APAF1: variants seen among roughly 807,000 people sequenced by gnomAD.
The protein encoded by APAF1 is apoptotic protease-activating factor 1.
A neutral mutation model predicts 152.4 loss-of-function variants in APAF1; 91 were observed. That is an observed-to-expected ratio of 0.60 (90% CI 0.50 to 0.71). The LOEUF is 0.71. Ranked by LOEUF, APAF1 falls within the 30% of genes least tolerant of loss-of-function variation. The probability of loss-of-function intolerance (pLI) is 0.00; values close to 1 mark genes in which losing one functional copy is unlikely to be tolerated. For synonymous variants in APAF1, 484 were observed against 494.1 expected, an observed-to-expected ratio of 0.98 and a Z score of 0.27; for missense variants, 1,283 against 1,472.0, an observed-to-expected ratio of 0.87 and a Z score of 2.10.
At position 98,648,578 on chromosome 12, in the gene APAF1, T is replaced by C. The variant is rs1034183365; in HGVS notation, c.139-48T>C. On this transcript the variant is annotated intron_variant, in intron 2 of 26. Coordinates refer to ENST00000551964, the MANE Select transcript of APAF1 (RefSeq NM_181861.2). ...TTGTACTGGTCTCCACTACTTTATG[T>C]TGCATACATATTCATTGTTGTATAC... The C allele has an allele frequency of 4.3e-6, 7 of 1,610,262 alleles. No individual in the cohort carries two copies. In the Admixed American group the frequency reaches 8.3e-5, roughly 19 times the overall value.
chr12:98,718,557 C>G (rs889090758), intron 22 of APAF1, among the ~76,000 whole-genome samples: 2 of 151,866 alleles, frequency 1.3e-5, no homozygotes, highest in Admixed American at 1.3e-4. Flanking sequence ...AATCAAGTTT[C>G]CTAAACTCCT....
chr12:98,675,474 A>G (rs2097685503), intron 12 of APAF1, among the ~76,000 whole-genome samples: 1 of 152,204 alleles, frequency 6.6e-6, no homozygotes, highest in African/African-American at 2.4e-5. Context: ...CCGTGGTTCT[A>G]TATCCATAGA....
At chr12:98,676,141 G>T (rs185840462) in intron 12 of APAF1, among the ~76,000 whole-genome samples, 1 of 152,140 alleles carries the variant, frequency 6.6e-6, no homozygotes, top group Admixed American at 6.6e-5. Context: ...GGGATGTAAC[G>T]TATATGAAAT....
intron 21 of APAF1, among the ~76,000 whole-genome samples, chr12:98,713,172 C>T (rs546775994): frequency 1.6e-4 from 25 of 152,266 alleles, no homozygotes; most frequent in South Asian, 6.2e-4. Context: ...AGTCATTGTT[C>T]GTTAAACTAA....
At chr12:98,714,626 C>T (rs368448895) in intron 21 of APAF1, among the ~76,000 whole-genome samples, 4 of 152,158 alleles carry the variant, frequency 2.6e-5, no homozygotes, top group South Asian at 2.1e-4. Context: ...TCGTTCATCC[C>T]GCTCATTTAG....
At position 98,732,736 on chromosome 12, in the gene APAF1, A is replaced by G; in HGVS notation, c.*170A>G. ...ATAATATTAATGTAGCTTTTTCCCA[A>G]ATGAACATACCTTTAATCTTGTTTT... On this transcript the variant is annotated 3_prime_UTR_variant, in exon 27 of 27. Coordinates refer to ENST00000551964, the MANE Select transcript of APAF1 (RefSeq NM_181861.2). The G allele has an allele frequency of 1.7e-6, 1 of 591,626 alleles. No individual in the cohort carries two copies. The highest frequency in any genetic ancestry group is 3.1e-5 in the Admixed American group (1 of 32,678). 36.6% of individuals were successfully genotyped at this position (591,626 alleles called of 1,614,324 possible).
At chr12:98,702,551 G>A (rs770164310) in intron 17 of APAF1, among the ~76,000 whole-genome samples, 66 of 152,036 alleles carry the variant, frequency 4.3e-4, no homozygotes, top group African/African-American at 5.6e-4. Context: ...GCGGCTGGGC[G>A]TGGTGGCTCA....
Position 98,648,656 on chromosome 12 carries a change from A to C in APAF1, c.169A>C (p.Ile57Leu). The C allele has an allele frequency of 2.5e-6, 4 of 1,613,852 alleles. No individual in the cohort carries two copies. The highest frequency in any genetic ancestry group is 3.4e-6 in the Non-Finnish European group (4 of 1,179,928). The change falls in exon 3 of 27, where the codon ATT becomes CTT. Residue 57 changes from isoleucine to leucine, a missense_variant. Physicochemically the swap from Ile to Leu is conservative, Grantham distance 5. Coordinates refer to ENST00000551964, the MANE Select transcript of APAF1 (RefSeq NM_181861.2). The stretch of plus-strand genomic sequence containing the variant: ...TCAACAGCAAAGAGCAGCTATGCTG[A>C]TTAAAATGATACTTAAAAAAGATAA... The part of the protein sequence containing the change: ...PTQQQRAAML[I>L]KMILKKDNDS...
Position 98,648,726 on chromosome 12 carries a change from A to G in APAF1, c.239A>G (p.Tyr80Cys). 6.2e-7 allele frequency: 1 copy of G among 1,613,992 alleles called. No individual in the cohort carries two copies. Among genetic ancestry groups the G allele is most frequent in the Non-Finnish European group, 8.5e-7 (1 of 1,179,892 alleles). ...TACAATGCTCTACTACATGAAGGATATAAAGATCTTGCTGCCCTTCTCCAT... is the reference window on the plus strand; with the variant it reads ...TACAATGCTCTACTACATGAAGGATGTAAAGATCTTGCTGCCCTTCTCCAT... ...SFYNALLHEGYKDLAALLHDG... is the reference protein window; with the variant it reads ...SFYNALLHEGCKDLAALLHDG... Residue 80 changes from tyrosine (Y) to cysteine (C), a missense_variant, in exon 3 of 27, where the codon TAT becomes TGT. Coordinates refer to ENST00000551964, the MANE Select transcript of APAF1 (RefSeq NM_181861.2).
intron 4 of APAF1, among the ~76,000 whole-genome samples, chr12:98,654,058 T>A (rs898343691): frequency 1.3e-5 from 2 of 152,110 alleles, no homozygotes; most frequent in Non-Finnish European, 2.9e-5. Flanking sequence ...CTGAGTGAAT[T>A]GTAAATACAG....
At chr12:98,662,147 C>CA (rs2097666209) in intron 5 of APAF1, among the ~76,000 whole-genome samples, 1 of 110,444 alleles carries the variant, frequency 9.1e-6, no homozygotes, top group Admixed American at 9.1e-5. Context: ...GTAATGGTCG[C>CA]TTTTTTTTTT....
At chr12:98,731,086 C>T (rs901266290) in intron 26 of APAF1, among the ~76,000 whole-genome samples, 5 of 152,166 alleles carry the variant, frequency 3.3e-5, no homozygotes, top group African/African-American at 1.2e-4. Context: ...GATAGGCTGC[C>T]TGAGTTCAAA....
At chr12:98,722,109 G>A (rs2097743839) in intron 22 of APAF1, among the ~76,000 whole-genome samples, 1 of 152,152 alleles carries the variant, frequency 6.6e-6, no homozygotes, top group African/African-American at 2.4e-5. Context: ...GGACTCATGA[G>A]CAGGTCCCTT....
At chr12:98,676,835 G>A (rs1278216229) in intron 12 of APAF1, among the ~76,000 whole-genome samples, 1 of 152,038 alleles carries the variant, frequency 6.6e-6, no homozygotes, top group African/African-American at 2.4e-5. Flanking sequence ...AGTAGAGACG[G>A]TGTTTCGCCA....
chr12:98,686,734 T>C lies in APAF1; in HGVS notation c.2179-14T>C, dbSNP rs1035757321. 8.1e-6 allele frequency: 13 copies of C among 1,611,846 alleles called. No homozygotes were observed. In the African/African-American group the frequency reaches 1.7e-4, roughly 22 times the overall value. On this transcript the variant is annotated splice_polypyrimidine_tract_variant and intron_variant, in intron 15 of 26. Coordinates refer to ENST00000551964, the MANE Select transcript of APAF1 (RefSeq NM_181861.2). Reference sequence around the variant, plus strand: ...TACTAGTTGTTTATTTATCTTTTTTTCTTTCACAAATAGCTTTGGGATTTG... The same window carrying C: ...TACTAGTTGTTTATTTATCTTTTTTCCTTTCACAAATAGCTTTGGGATTTG...
chr12:98,717,687 T>C lies in APAF1; in HGVS notation c.3084+2135T>C, dbSNP rs185669463. Among the ~76,000 whole-genome samples, 9 of 152,152 alleles carry C rather than the reference T, an allele frequency of 5.9e-5. No individual in the cohort carries two copies. The East Asian group carries it at 1.2e-3, about 20-fold the overall frequency. On this transcript the variant is annotated intron_variant, in intron 22 of 26. Coordinates refer to ENST00000551964, the MANE Select transcript of APAF1 (RefSeq NM_181861.2). Reference sequence around the variant, plus strand: ...CACTGTGCCTGGCTTATATATATAATTTTTTCCCCATAAATTTTTGTTTTG... The same window carrying C: ...CACTGTGCCTGGCTTATATATATAACTTTTTCCCCATAAATTTTTGTTTTG...
At chr12:98,655,475 C>T (rs1389031330) in intron 4 of APAF1, among the ~76,000 whole-genome samples, 1 of 150,864 alleles carries the variant, frequency 6.6e-6, no homozygotes, top group Non-Finnish European at 1.5e-5. Context: ...CCCCCACCTC[C>T]CTCCCGGACG....
At chr12:98,670,066 T>G (rs2097678156) in intron 10 of APAF1, among the ~76,000 whole-genome samples, 1 of 151,928 alleles carries the variant, frequency 6.6e-6, no homozygotes, top group Non-Finnish European at 1.5e-5. Context: ...CACCTCAGCC[T>G]CCTGAGTAGC....
intron 22 of APAF1, among the ~76,000 whole-genome samples, chr12:98,718,999 G>A (rs571521427): frequency 4.6e-5 from 7 of 152,116 alleles, no homozygotes; most frequent in African/African-American, 1.4e-4. Flanking sequence ...CAGTTATTTC[G>A]ACCTTCTCTT....
Sources: allele counts gnomAD v4.1 joint callset (sites outside exome capture counted in the v4.1 genomes callset), GRCh38; gene constraint gnomAD v4.1.1; transcripts MANE v1.5; gene names NCBI Gene and HGNC (gene_info 2026-07-23, HGNC 2026-07-21).